EPHA3: variants seen among roughly 807,000 people sequenced by gnomAD.
EPHA3 encodes the protein ephrin type-A receptor 3.
Under a neutral mutation model 107.1 loss-of-function variants are expected in EPHA3, and 42 were observed. The observed-to-expected ratio is 0.39, with a 90% CI of 0.31 to 0.51. The LOEUF (loss-of-function observed/expected upper bound fraction) is 0.51. Ranked by LOEUF, EPHA3 falls within the 20% of genes least tolerant of loss-of-function variation. EPHA3 has a pLI of 0.78. For synonymous variants in EPHA3, 461 were observed against 424.8 expected (o/e 1.09, Z -1.05); for missense variants, 1,183 against 1,211.2 (o/e 0.98, Z 0.35).
At chr3:89,381,902 T>C (rs1461876511) in intron 5 of EPHA3, among the ~76,000 whole-genome samples, 1 of 152,144 alleles carries the variant, frequency 6.6e-6, no homozygotes, top group Admixed American at 6.5e-5. Context: ...CTTGCCAGTC[T>C]CCACAGCTGT....
At chr3:89,346,826 T>G (rs1707670238) in intron 5 of EPHA3, among the ~76,000 whole-genome samples, 1 of 143,812 alleles carries the variant, frequency 7.0e-6, no homozygotes, top group Non-Finnish European at 1.5e-5. Flanking sequence ...AGTTTCAGCT[T>G]TCTACATATG....
intron 3 of EPHA3, among the ~76,000 whole-genome samples, chr3:89,301,830 T>A (rs554900003): frequency 6.6e-6 from 1 of 152,180 alleles, no homozygotes; most frequent in Non-Finnish European, 1.5e-5. Context: ...ATGATATGGG[T>A]GTTGATAAAC....
At chr3:89,402,867 G>A (rs1223077145) in intron 7 of EPHA3, among the ~76,000 whole-genome samples, 2 of 151,992 alleles carry the variant, frequency 1.3e-5, no homozygotes, top group Admixed American at 6.6e-5. Context: ...TAGTAGAGAC[G>A]GGGTTTCACC....
At chr3:89,197,943 T>C (rs1705876608) in intron 2 of EPHA3, among the ~76,000 whole-genome samples, 1 of 151,806 alleles carries the variant, frequency 6.6e-6, no homozygotes, top group South Asian at 2.1e-4. Context: ...GCCACTGTAC[T>C]CCAGCCTGGG....
intron 2 of EPHA3, among the ~76,000 whole-genome samples, chr3:89,174,503 C>T (rs1359853724): frequency 1.3e-5 from 2 of 151,976 alleles, no homozygotes; most frequent in South Asian, 4.1e-4. Context: ...TGTGCATTTA[C>T]ATAATGTACA....
intron 3 of EPHA3, among the ~76,000 whole-genome samples, chr3:89,236,013 T>A (rs1478231289): frequency 1.3e-5 from 2 of 152,056 alleles, no homozygotes; most frequent in African/African-American, 4.8e-5. Context: ...GACATACCAG[T>A]CAAGTCAAGA....
At chr3:89,264,093 T>C (rs557917265) in intron 3 of EPHA3, among the ~76,000 whole-genome samples, 12 of 152,270 alleles carry the variant, frequency 7.9e-5, no homozygotes, top group African/African-American at 2.9e-4. Flanking sequence ...CTCATTTAAA[T>C]ATGTTTGGTT....
intron 3 of EPHA3, among the ~76,000 whole-genome samples, chr3:89,274,820 A>G (rs181093081): frequency 1.6e-4 from 25 of 152,110 alleles, no homozygotes; most frequent in Admixed American, 5.2e-4. Context: ...TTGGAGCCCA[A>G]TAATCATGCA....
intron 2 of EPHA3, among the ~76,000 whole-genome samples, chr3:89,185,078 A>G (rs1246674655): frequency 6.6e-6 from 1 of 152,058 alleles, no homozygotes; most frequent in Admixed American, 6.6e-5. Context: ...CTGTGAAGGT[A>G]GTATATGACT....
chr3:89,301,263 G>T (rs1464817655), intron 3 of EPHA3, among the ~76,000 whole-genome samples: 1 of 152,060 alleles, frequency 6.6e-6, no homozygotes, highest in African/African-American at 2.4e-5. Flanking sequence ...ATTGTAGGAC[G>T]AATGTACAGC....
intron 16 of EPHA3, among the ~76,000 whole-genome samples, chr3:89,472,863 A>T (rs1240703248): frequency 6.6e-6 from 1 of 152,134 alleles, no homozygotes; most frequent in African/African-American, 2.4e-5. Context: ...GTGTCTTTAG[A>T]TATGACCTTC....
chr3:89,466,720 G>A lies in EPHA3; in HGVS notation c.2691-5744G>A, dbSNP rs1425850165. On this transcript the variant is annotated intron_variant, in intron 15 of 16. Transcript: ENST00000336596. ...ACGGTGCGCACACACACTGGCCTGC[G>A]CCCACTGTCTGGCACTCCCTAGTGA... Among the ~76,000 whole-genome samples the A allele has an allele frequency of 5.9e-5, 8 of 134,682 alleles. 2 individuals carry two copies. Among genetic ancestry groups the A allele is most frequent in the African/African-American group, 1.7e-4 (6 of 36,186 alleles). The allele number at this position is 134,682 out of a possible 152,430, so 88.4% of individuals were successfully genotyped here.
intron 3 of EPHA3, among the ~76,000 whole-genome samples, chr3:89,333,502 T>G (rs1707333000): frequency 6.6e-6 from 1 of 152,178 alleles, no homozygotes; most frequent in Non-Finnish European, 1.5e-5. Context: ...TGCTCGATAA[T>G]GCACAAGCAT....
intron 13 of EPHA3, among the ~76,000 whole-genome samples, chr3:89,433,467 A>G (rs1338855099): frequency 6.6e-6 from 1 of 152,152 alleles, no homozygotes; most frequent in Non-Finnish European, 1.5e-5. Context: ...ATAATGACAC[A>G]ATGCTGTTGG....
intron 5 of EPHA3, among the ~76,000 whole-genome samples, chr3:89,366,300 G>A (rs1453748860): frequency 6.6e-6 from 1 of 150,384 alleles, no homozygotes; most frequent in African/African-American, 2.4e-5. Flanking sequence ...GACCAGAATT[G>A]AATAAAGGAG....
At position 89,481,162 on chromosome 3, in the gene EPHA3, C is replaced by CA. The variant is rs1710614593; in HGVS notation, c.*1664dup. 1 of 232,046 alleles carries CA rather than the reference C, an allele frequency of 4.3e-6. No homozygotes were observed. The highest frequency in any genetic ancestry group is 8.5e-6 in the Non-Finnish European group (1 of 117,440). The allele number at this position is 232,046 out of a possible 1,614,324, so 14.4% of individuals were successfully genotyped here. ...ATGCTGCAAACTTAATGTTCTTATG[C>CA]AAAATGGAACGCTAATGAAACACAG... On this transcript the variant is annotated 3_prime_UTR_variant, in exon 17 of 17. Transcript: ENST00000336596.
intron 3 of EPHA3, among the ~76,000 whole-genome samples, chr3:89,211,345 A>C (rs9310112): frequency 0.14 from 20,657 of 151,958 alleles, 1,421 homozygotes; most frequent in African/African-American, 0.16. Flanking sequence ...TAATCCCAAA[A>C]TTTACTTAGC....
At chr3:89,342,156 G>C in intron 5 of EPHA3, 66 bp downstream of exon 5, 1 of 1,422,192 alleles carries the variant, frequency 7.0e-7, no homozygotes, top group Non-Finnish European at 9.4e-7. Flanking sequence ...TTGACTCTGG[G>C]TGGAAAACTG....
At chr3:89,162,118 T>C (rs1299255607) in intron 2 of EPHA3, among the ~76,000 whole-genome samples, 1 of 152,016 alleles carries the variant, frequency 6.6e-6, no homozygotes, top group Admixed American at 6.6e-5. Flanking sequence ...GGGAATTAGA[T>C]GAACACATAA....
Sources: gnomAD v4.1 joint callset for allele counts (sites outside exome capture counted in the v4.1 genomes callset) on GRCh38, gnomAD v4.1.1 for gene constraint, MANE v1.5 for transcripts, NCBI Gene and HGNC (gene_info 2026-07-23, HGNC 2026-07-21) for gene names.